DPH7: variants seen among roughly 807,000 people sequenced by gnomAD.
DPH7 encodes the protein diphthamide biosynthesis 7.
In DPH7, 44 loss-of-function variants were observed where a neutral mutation model predicts 41.7. The ratio of observed to expected loss-of-function variants is 1.05; its 90% CI spans 0.83 to 1.36. DPH7 has a LOEUF of 1.36. Ranked by LOEUF, DPH7 falls within the 40% of genes most tolerant of loss-of-function variation. DPH7 has a pLI of 0.00. For missense variants in DPH7, 629 were observed against 577.5 expected (o/e 1.09, Z -0.91); for synonymous variants, 275 against 238.0 (o/e 1.16, Z -1.43).
At chr9:137,572,149 G>A (rs1000792830) in intron 5 of DPH7, among the ~76,000 whole-genome samples, 3 of 152,186 alleles carry the variant, frequency 2.0e-5, no homozygotes, top group African/African-American at 4.8e-5. Context: ...TGCCTGGGGT[G>A]GAAGGACAGC....
intron 8 of DPH7, among the ~76,000 whole-genome samples, chr9:137,563,071 G>C (rs1429613964): frequency 6.6e-6 from 1 of 152,176 alleles, no homozygotes; most frequent in Non-Finnish European, 1.5e-5. Flanking sequence ...TTGAGCCCCA[G>C]GAGGTTGAGG....
In DPH7 at chr9:137,569,317, AC is replaced by A. The variant is rs1420783962; in HGVS notation, c.641-4164del. Among the ~76,000 whole-genome samples, 21 of 11,380 alleles carry A rather than the reference AC, an allele frequency of 1.8e-3. No homozygotes were observed. The Admixed American group carries it at 0.021, about 12-fold the overall frequency. 7.5% of individuals were successfully genotyped at this position (11,380 alleles called of 152,430 possible). ...CATCCATCCACCCATGCCCCCACCC[AC>A]CCCCCACCCACCTTCCATCCATCTA... On this transcript the variant is annotated intron_variant, in intron 5 of 8. Coordinates refer to ENST00000277540, the MANE Select transcript of DPH7 (RefSeq NM_138778.5).
chr9:137,562,067 T>C (rs1181198948), intron 8 of DPH7, among the ~76,000 whole-genome samples: 1 of 152,204 alleles, frequency 6.6e-6, no homozygotes, highest in Non-Finnish European at 1.5e-5. Flanking sequence ...GGTTTCACCA[T>C]GTTAGCCAGG....
rs1400552101 is a variant in DPH7 at position 137,574,253 on chromosome 9, A to G, written c.595T>C (p.Trp199Arg). Residue 199 changes from tryptophan to arginine, a missense_variant, in exon 5 of 9, where the codon TGG (tryptophan) becomes CGG (arginine). By Grantham distance (101) the Trp-to-Arg change is moderately radical (BLOSUM62 -3). Coordinates refer to ENST00000277540, the MANE Select transcript of DPH7 (RefSeq NM_138778.5). ...TGCCAGTAATTGAAAGCAGCAATCC[A>G]GGCCTCGAATTGATGTGCCTGCCAT... is the stretch of plus-strand genomic sequence containing the variant. The part of the protein sequence containing the change: ...ASWQAHQFEA[W>R]IAAFNYWHPE... 1 of 1,614,144 alleles carries G rather than the reference A, an allele frequency of 6.2e-7. No homozygotes were observed. Among genetic ancestry groups the G allele is most frequent in the South Asian group, 1.1e-5 (1 of 91,082 alleles).
intron 5 of DPH7, among the ~76,000 whole-genome samples, chr9:137,568,542 C>T (rs1005295610): frequency 6.7e-6 from 1 of 149,382 alleles, no homozygotes; most frequent in African/African-American, 2.5e-5. Flanking sequence ...TGAGGAAGCT[C>T]CCCTGGGTGA....
chr9:137,559,115 T>A (rs1776775), intron 8 of DPH7, among the ~76,000 whole-genome samples: 8,183 of 152,276 alleles, frequency 0.054, 745 homozygotes, highest in African/African-American at 0.19. Flanking sequence ...ATATCATTAA[T>A]CATTAGTTGG....
At chr9:137,568,844 G>A (rs922994239) in intron 5 of DPH7, among the ~76,000 whole-genome samples, 10 of 152,104 alleles carry the variant, frequency 6.6e-5, no homozygotes, top group Non-Finnish European at 1.2e-4. Flanking sequence ...AGGTCCTAGG[G>A]GCTAAACTGC....
intron 5 of DPH7, among the ~76,000 whole-genome samples, chr9:137,568,841 A>AG (rs1210443385): frequency 6.6e-6 from 1 of 152,122 alleles, no homozygotes; most frequent in Non-Finnish European, 1.5e-5. Flanking sequence ...ACTAGGTCCT[A>AG]GGGGCTAAAC....
At position 137,564,922 on chromosome 9, in the gene DPH7, A is replaced by G; in HGVS notation, c.747T>C (p.Pro249=). ...TMGVCSIQSS[P]HREHILATGS... ...CCGTGGCCAGGATGTGCTCCCGATG[A>G]GGGCTGCTCTGGATGCTGCACACAC... Residue 249 remains proline (P), a synonymous_variant, in exon 7 of 9, where the codon CCT becomes CCC. Transcript: ENST00000277540. 6.3e-7 allele frequency: 1 copy of G among 1,597,156 alleles called. No individual in the cohort carries two copies. The highest frequency in any genetic ancestry group is 1.3e-5 in the African/African-American group (1 of 74,698).
In DPH7 at chr9:137,555,563, G is replaced by T. The variant is rs755544744; in HGVS notation, c.1035C>A (p.Phe345Leu). The change falls in exon 9 of 9, where the codon TTC becomes TTA. Residue 345 changes from phenylalanine (F) to leucine (L), a missense_variant. By Grantham distance (22) the Phe-to-Leu change is conservative (BLOSUM62 0). Coordinates refer to ENST00000277540, the MANE Select transcript of DPH7 (RefSeq NM_138778.5). ...ACGAGGGGGCCCGCTGCAGAGAACG[G>T]AAGAGCAGCCAGGACCAGTCGGCTC... ...VYGADWSWLL[F>L]RSLQRAPSWS... 6.2e-7 allele frequency: 1 copy of T among 1,613,886 alleles called. No individual in the cohort carries two copies. The highest frequency in any genetic ancestry group is 8.5e-7 in the Non-Finnish European group (1 of 1,179,976).
chr9:137,575,292 T>G (rs1392699831), intron 3 of DPH7: 1 of 994,088 alleles, frequency 1.0e-6, no homozygotes, highest in African/African-American at 1.7e-5. Flanking sequence ...CGAGCAGCCA[T>G]GAGAACGTGG....
At position 137,555,222 on chromosome 9, in the gene DPH7, GC is replaced by G. The variant is rs755706758; in HGVS notation, c.*16del. 2 of 1,571,672 alleles carry G rather than the reference GC, an allele frequency of 1.3e-6. No homozygotes were observed. The highest frequency in any genetic ancestry group is 1.7e-6 in the Non-Finnish European group (2 of 1,156,290). On this transcript the variant is annotated 3_prime_UTR_variant, in exon 9 of 9. Coordinates refer to ENST00000277540, the MANE Select transcript of DPH7 (RefSeq NM_138778.5). ...CCTCCTGGTTTCCTTGTGGGAAGGG[GC>G]TTCATGATTTCAAGCTCAGTTCCCC...
rs779825713 is a variant in DPH7 at position 137,556,792 on chromosome 9, G to A, written c.950-1144C>T. ...CAGCAATCGCTCAACACGTCCACTC[G>A]GGCCAGCAGGACCTCTTCTACAGCT... On this transcript the variant is annotated intron_variant, in intron 8 of 8. Transcript: ENST00000277540. The surrounding 1 kb of genome is among the most constrained non-coding windows in gnomAD (Gnocchi z 5.2). 6.6e-6 allele frequency: 3 copies of A among 456,176 alleles called. No individual in the cohort carries two copies. Among genetic ancestry groups the A allele is most frequent in the East Asian group, 7.0e-5 (1 of 14,366 alleles). The allele number at this position is 456,176 out of a possible 1,614,324, so 28.3% of individuals were successfully genotyped here.
intron 3 of DPH7, 170 bp from the exon 4 acceptor site, chr9:137,575,013 G>T: frequency 7.1e-7 from 1 of 1,413,220 alleles, no homozygotes; most frequent in Non-Finnish European, 9.2e-7. Flanking sequence ...CCTGCTAGGG[G>T]CCCCGAGAAG....
At position 137,576,096 on chromosome 9, in the gene DPH7, C is replaced by A. The variant is rs148810716; in HGVS notation, c.359G>T (p.Arg120Leu). Residue 120 changes from arginine to leucine, a missense_variant, in exon 3 of 9, where the codon CGC becomes CTC. Transcript: ENST00000277540. ...GTCACTGACCTCAGATTCCACCAGG[C>A]GGAGCAGTTGTATGGATCCACTGGC... ...ADASGSIQLL[R>L]LVESEKSHVL... 6.2e-7 allele frequency: 1 copy of A among 1,613,920 alleles called. No individual in the cohort carries two copies. The highest frequency in any genetic ancestry group is 2.2e-5 in the East Asian group (1 of 44,886).
intron 8 of DPH7, among the ~76,000 whole-genome samples, chr9:137,561,694 C>T (rs1215481444): frequency 6.6e-6 from 1 of 152,002 alleles, no homozygotes; most frequent in African/African-American, 2.4e-5. Context: ...AAAAATGTTA[C>T]TAGATTTAAA....
intron 8 of DPH7, among the ~76,000 whole-genome samples, chr9:137,557,533 T>C (rs973256016): frequency 1.4e-5 from 2 of 147,372 alleles, no homozygotes; most frequent in Admixed American, 1.4e-4. Context: ...AAATTAAAGA[T>C]ACAGGCTGGG....
At chr9:137,555,818 G>C (rs565992898) in intron 8 of DPH7, among the ~76,000 whole-genome samples, 170 bp from the exon 9 acceptor site, 1 of 152,308 alleles carries the variant, frequency 6.6e-6, no homozygotes, top group African/African-American at 2.4e-5. Context: ...GGCATATGTT[G>C]GAGAAGAAAC....
chr9:137,576,345 C>G (rs1841382643), intron 2 of DPH7, 178 bp from the exon 3 acceptor site: 1 of 595,966 alleles, frequency 1.7e-6, no homozygotes, highest in African/African-American at 1.8e-5. Context: ...TCCTATGCCA[C>G]AAACCTTACA....
Sources: gnomAD v4.1 joint callset for allele counts (sites outside exome capture counted in the v4.1 genomes callset) on GRCh38, gnomAD v4.1.1 for gene constraint, Gnocchi (gnomAD v3.1) non-coding constraint, MANE v1.5 for transcripts, NCBI Gene and HGNC (gene_info 2026-07-23, HGNC 2026-07-21) for gene names.